MSH3: variants seen among roughly 807,000 people sequenced by gnomAD.
MSH3 encodes the protein mutS homolog 3.
A neutral mutation model predicts 123.3 loss-of-function variants in MSH3; 106 were observed. The observed-to-expected ratio is 0.86, with a 90% CI of 0.73 to 1.01. The LOEUF is 1.01. Among genes scored for constraint, MSH3 ranks in the 50% least tolerant of loss-of-function variants. The pLI, the probability that MSH3 is intolerant of heterozygous loss-of-function variation, is 0.00. For missense variants in MSH3, 1,459 were observed against 1,347.6 expected (o/e 1.08, Z -1.29); for synonymous variants, 515 against 481.4 (o/e 1.07, Z -0.91).
chr5:80,686,448 G>A (rs986645477), intron 8 of MSH3, among the ~76,000 whole-genome samples: 4 of 151,790 alleles, frequency 2.6e-5, no homozygotes, highest in Non-Finnish European at 1.5e-5. Flanking sequence ...GATTACAGGC[G>A]TGCACCACCA....
At chr5:80,692,823 A>G (rs1239624972) in intron 8 of MSH3, among the ~76,000 whole-genome samples, 3 of 132,306 alleles carry the variant, frequency 2.3e-5, no homozygotes, top group Non-Finnish European at 5.0e-5. Context: ...ATAAATATAC[A>G]TACACATGTA....
At chr5:80,736,668 G>A (rs1014310201) in intron 10 of MSH3, among the ~76,000 whole-genome samples, 7 of 152,152 alleles carry the variant, frequency 4.6e-5, no homozygotes, top group African/African-American at 1.7e-4. Context: ...CCTTCTTGGA[G>A]CTGGAATTTT....
intron 20 of MSH3, among the ~76,000 whole-genome samples, chr5:80,850,365 C>A (rs1454725741): frequency 3.3e-5 from 5 of 152,170 alleles, no homozygotes; most frequent in African/African-American, 7.2e-5. Context: ...CAGCAACACC[C>A]CACTCCTGGT....
At position 80,848,992 on chromosome 5, in the gene MSH3, G is replaced by C. The variant is rs113520844; in HGVS notation, c.2814-5138G>C. ...AGCCTGTAAAATCAAAAGCTAGTTA[G>C]TTACTTCCTAAATACAATGGGGGTA... On this transcript the variant is annotated intron_variant, in intron 20 of 23. Coordinates refer to ENST00000265081, the MANE Select transcript of MSH3 (RefSeq NM_002439.5). 1.9e-3 allele frequency among the ~76,000 whole-genome samples: 291 copies of C among 152,256 alleles called. 2 individuals carry two copies. Among genetic ancestry groups the C allele is most frequent in the Non-Finnish European group, 2.5e-3 (168 of 68,006 alleles).
At chr5:80,867,129 G>T (rs1746115362) in intron 22 of MSH3, among the ~76,000 whole-genome samples, 1 of 152,202 alleles carries the variant, frequency 6.6e-6, no homozygotes, top group Non-Finnish European at 1.5e-5. Context: ...CTAAGCATGT[G>T]ATTGCAAGGA....
chr5:80,665,342 G>T lies in MSH3; in HGVS notation c.558G>T (p.Ser186=). ...AGAATGCAGTTTCTTCTGAAGATTC[G>T]AAACGTCAAATTAATCAAAAGGTAT... ...HAKNAVSSED[S]KRQINQKDTT... The change falls in exon 3 of 24, where the codon TCG becomes TCT. Residue 186 remains serine, a synonymous_variant. Coordinates refer to ENST00000265081, the MANE Select transcript of MSH3 (RefSeq NM_002439.5). 6.2e-7 allele frequency: 1 copy of T among 1,612,390 alleles called. No individual in the cohort carries two copies. Among genetic ancestry groups the T allele is most frequent in the Non-Finnish European group, 8.5e-7 (1 of 1,179,706 alleles).
chr5:80,831,227 C>T (rs1386553350), intron 20 of MSH3, among the ~76,000 whole-genome samples: 4 of 152,130 alleles, frequency 2.6e-5, no homozygotes, highest in Admixed American at 6.5e-5. Flanking sequence ...CAGAATGATA[C>T]GATATAATTC....
intron 3 of MSH3, among the ~76,000 whole-genome samples, chr5:80,669,740 C>A (rs1749662311): frequency 6.6e-6 from 1 of 151,910 alleles, no homozygotes; most frequent in South Asian, 2.1e-4. Context: ...TCCCCATTGG[C>A]CTTTTGTGCA....
chr5:80,654,659 T>C lies in MSH3; in HGVS notation c.-69T>C. ...CGGCGTGCTCGCGCCCGCAGACGCC[T>C]GGGAACTGCGGCCGCGGGCTCGCGC... On this transcript the variant is annotated 5_prime_UTR_variant, in exon 1 of 24. Coordinates refer to ENST00000265081, the MANE Select transcript of MSH3 (RefSeq NM_002439.5). 3.5e-6 allele frequency: 5 copies of C among 1,448,474 alleles called. No individual in the cohort carries two copies. The highest frequency in any genetic ancestry group is 3.7e-6 in the Non-Finnish European group (4 of 1,068,240). The allele number at this position is 1,448,474 out of a possible 1,614,324, so 89.7% of individuals were successfully genotyped here.
In MSH3 at chr5:80,826,455, A is replaced by G. The variant is rs1194349595; in HGVS notation, c.2813+12714A>G. 1.6e-4 allele frequency among the ~76,000 whole-genome samples: 24 copies of G among 152,326 alleles called. No homozygotes were observed. In the East Asian group the frequency reaches 4.2e-3, roughly 27 times the overall value. On this transcript the variant is annotated intron_variant, in intron 20 of 23. Coordinates refer to ENST00000265081, the MANE Select transcript of MSH3 (RefSeq NM_002439.5). ...CACTAGGTTTAAATCTGTGGATTCC[A>G]TAAATATTCATTGAGTGCCCACTAT... is the stretch of plus-strand genomic sequence containing the variant.
At chr5:80,671,006 C>G (rs1749712990) in intron 4 of MSH3, among the ~76,000 whole-genome samples, 1 of 151,968 alleles carries the variant, frequency 6.6e-6, no homozygotes, top group South Asian at 2.1e-4. Context: ...GCCTTTAGTC[C>G]CAGCTCCTCA....
chr5:80,862,222 G>A (rs34976588), intron 21 of MSH3, among the ~76,000 whole-genome samples: 21,363 of 151,994 alleles, frequency 0.14, 1,531 homozygotes, highest in East Asian at 0.24. Context: ...AAGATCCCTC[G>A]GGGCAGATTT....
At chr5:80,846,709 G>A (rs569289183) in intron 20 of MSH3, among the ~76,000 whole-genome samples, 1 of 152,366 alleles carries the variant, frequency 6.6e-6, no homozygotes, top group African/African-American at 2.4e-5. Context: ...GTGGGCGTGA[G>A]ACCTGGTGAG....
rs1479695787 is a variant in MSH3, at chr5:80,743,562, C to CAACTCAAGT, written c.1654-944_1654-943insAACTCAAGT. Among the ~76,000 whole-genome samples the CAACTCAAGT allele has an allele frequency of 3.9e-4, 28 of 71,794 alleles. 1 individual carries two copies. Among genetic ancestry groups the CAACTCAAGT allele is most frequent in the Admixed American group, 6.2e-4 (4 of 6,474 alleles). 47.1% of individuals were successfully genotyped at this position (71,794 alleles called of 152,430 possible). A position where few individuals can be genotyped will look rare whatever the true frequency, so the allele number is the denominator to read the frequency against. On this transcript the variant is annotated intron_variant, in intron 11 of 23. Transcript: ENST00000265081. ...GAAAAAAGAAAGGATTAAAAAAACC[C>CAACTCAAGT]GGCCGGGCGCGGTGGCTCACGCCTG... is the stretch of plus-strand genomic sequence containing the variant.
Position 80,665,319 on chromosome 5 carries a change from A to G in MSH3, c.535A>G (p.Asn179Asp). Reference sequence around the variant, plus strand: ...TGATATCAGTCTTCTACACGCAAAGAATGCAGTTTCTTCTGAAGATTCGAA... The same window carrying G: ...TGATATCAGTCTTCTACACGCAAAGGATGCAGTTTCTTCTGAAGATTCGAA... The part of the protein sequence containing the change: ...FDDISLLHAK[N>D]AVSSEDSKRQ... Residue 179 changes from asparagine (N) to aspartate (D), a missense_variant, in exon 3 of 24, where the codon AAT becomes GAT. Transcript: ENST00000265081. The G allele has an allele frequency of 6.2e-7, 1 of 1,613,512 alleles. No individual in the cohort carries two copies. The highest frequency in any genetic ancestry group is 8.5e-7 in the Non-Finnish European group (1 of 1,179,998).
Position 80,744,633 on chromosome 5 carries a change from T to TG in MSH3, c.1763+22dup. On this transcript the variant is annotated intron_variant, in intron 12 of 23. Transcript: ENST00000265081. ...AAATTAAGGTAAAAGGAATTCTTTT[T>TG]GGGGTGTTTAATCTGAAATTATAAA... 6.4e-7 allele frequency: 1 copy of TG among 1,555,688 alleles called. No homozygotes were observed. Among genetic ancestry groups the TG allele is most frequent in the Non-Finnish European group, 8.9e-7 (1 of 1,128,474 alleles).
intron 1 of MSH3, among the ~76,000 whole-genome samples, chr5:80,655,782 C>T (rs553468984): frequency 1.2e-4 from 18 of 152,272 alleles, no homozygotes; most frequent in Admixed American, 2.6e-4. Flanking sequence ...ATATTTCTCC[C>T]TTAAAATGAT....
At chr5:80,813,794 A>T (rs562978377) in intron 20 of MSH3, 53 bp downstream of exon 20, 2 of 1,582,192 alleles carry the variant, frequency 1.3e-6, no homozygotes, top group Admixed American at 1.7e-5. Context: ...TCAAGCCCAC[A>T]TTATCGCATG....
At chr5:80,759,021 G>T (rs554288488) in intron 12 of MSH3, among the ~76,000 whole-genome samples, 1 of 152,086 alleles carries the variant, frequency 6.6e-6, no homozygotes, top group African/African-American at 2.4e-5. Context: ...GTAAAACATT[G>T]GTTTATTTTA....
Sources: gnomAD v4.1 joint callset for allele counts (sites outside exome capture counted in the v4.1 genomes callset) on GRCh38, gnomAD v4.1.1 for gene constraint, MANE v1.5 for transcripts, NCBI Gene and HGNC (gene_info 2026-07-23, HGNC 2026-07-21) for gene names.